Variants in NELL1 observed in about 807,000 individuals in gnomAD.
NELL1 encodes protein kinase C-binding protein NELL1.
NELL1 carries 76 observed loss-of-function variants against 107.4 expected under a neutral mutation model. That is an observed-to-expected ratio of 0.71 (90% CI 0.59 to 0.86). The LOEUF is 0.86. Ranked by LOEUF, NELL1 falls within the 40% of genes least tolerant of loss-of-function variation. The pLI is 0.00. For synonymous variants in NELL1, 353 were observed against 341.2 expected, an observed-to-expected ratio of 1.03 and a Z score of -0.38; for missense variants, 1,024 against 1,005.5, an observed-to-expected ratio of 1.02 and a Z score of -0.25.
intron 14 of NELL1, among the ~76,000 whole-genome samples, chr11:21,367,609 T>C (rs1851257666): frequency 6.6e-6 from 1 of 152,068 alleles, no homozygotes; most frequent in Non-Finnish European, 1.5e-5. Flanking sequence ...TGGTGATAAA[T>C]AACAACAATC....
At chr11:21,243,394 C>T (rs1436620466) in intron 14 of NELL1, among the ~76,000 whole-genome samples, 1 of 152,048 alleles carries the variant, frequency 6.6e-6, no homozygotes, top group Non-Finnish European at 1.5e-5. Flanking sequence ...ACTCAGCCTC[C>T]TAGACTGCTT....
rs540104504 is a variant in NELL1 at position 20,974,810 on chromosome 11, C to T, written c.1300+14250C>T. On this transcript the variant is annotated intron_variant, in intron 12 of 19. Transcript: ENST00000357134. ...TGGGGTATAGACAGTCAAAGGGAAT[C>T]TGCTTAATGTAAACTTAGAAATGCT... Among the ~76,000 whole-genome samples the T allele has an allele frequency of 2.8e-4, 43 of 152,238 alleles. No homozygotes were observed. The South Asian group carries it at 8.9e-3, about 32-fold the overall frequency.
chr11:21,482,113 T>A (rs543885183), intron 15 of NELL1, among the ~76,000 whole-genome samples: 1 of 152,248 alleles, frequency 6.6e-6, no homozygotes, highest in Non-Finnish European at 1.5e-5. Flanking sequence ...ATGACTAGTT[T>A]ATAGAATTGA....
At chr11:20,936,925 G>A (rs565636272) in intron 9 of NELL1, among the ~76,000 whole-genome samples, 27 of 152,290 alleles carry the variant, frequency 1.8e-4, no homozygotes, top group African/African-American at 5.3e-4. Context: ...CTTAGAGTGC[G>A]TATTATTGCT....
intron 14 of NELL1, among the ~76,000 whole-genome samples, chr11:21,329,637 A>G (rs1259197419): frequency 1.3e-5 from 2 of 152,184 alleles, no homozygotes; most frequent in Non-Finnish European, 2.9e-5. Context: ...TTTAAAGTAT[A>G]CATATAAGCC....
At chr11:20,832,233 C>A (rs541273877) in intron 3 of NELL1, among the ~76,000 whole-genome samples, 1 of 152,164 alleles carries the variant, frequency 6.6e-6, no homozygotes, top group Admixed American at 6.5e-5. Context: ...TCTTAGTGAC[C>A]GTACACTTTT....
Position 20,783,814 on chromosome 11 carries a change from C to A in NELL1, c.319C>A (p.Arg107=). 6.2e-7 allele frequency: 1 copy of A among 1,612,210 alleles called. No individual in the cohort carries two copies. The highest frequency in any genetic ancestry group is 8.5e-7 in the Non-Finnish European group (1 of 1,179,206). The change falls in exon 3 of 20, where the codon CGA becomes AGA. Residue 107 remains arginine (R), a synonymous_variant. Transcript: ENST00000357134. ...CACTTCAGGAGTGATACTGTCCATT[C>A]GAGAACTGGAGCACAGGTAAGAAAG... is the stretch of plus-strand genomic sequence containing the variant. ...PSTSGVILSI[R]ELEHSYFELE...
At chr11:21,368,175 G>A (rs1329763681) in intron 14 of NELL1, among the ~76,000 whole-genome samples, 1 of 152,062 alleles carries the variant, frequency 6.6e-6, no homozygotes, top group African/African-American at 2.4e-5. Flanking sequence ...TATTGTCTAA[G>A]GTTCAACTAG....
chr11:21,560,098 T>G, intron 16 of NELL1, 91 bp from the exon 17 acceptor site: 1 of 1,192,712 alleles, frequency 8.4e-7, no homozygotes, highest in Non-Finnish European at 1.3e-6. Context: ...AAATGGTCGA[T>G]GATGTTAGTT....
chr11:20,694,032 C>T (rs147278596), intron 2 of NELL1, among the ~76,000 whole-genome samples: 5,233 of 151,434 alleles, frequency 0.035, 309 homozygotes, highest in African/African-American at 0.12. Flanking sequence ...TCATTTCATT[C>T]GTTTCATCTT....
At chr11:20,894,274 T>A (rs1347954848) in intron 5 of NELL1, among the ~76,000 whole-genome samples, 1 of 152,270 alleles carries the variant, frequency 6.6e-6, no homozygotes, top group African/African-American at 2.4e-5. Flanking sequence ...AAAAGACTGA[T>A]CCATTGGAAT....
chr11:20,991,270 TC>T (rs1231750858), intron 12 of NELL1, among the ~76,000 whole-genome samples: 1 of 152,194 alleles, frequency 6.6e-6, no homozygotes, highest in African/African-American at 2.4e-5. Flanking sequence ...TTGTCTTTGT[TC>T]CAGCAGATCA....
chr11:21,126,269 G>A (rs374971345), intron 13 of NELL1, among the ~76,000 whole-genome samples: 17 of 152,162 alleles, frequency 1.1e-4, no homozygotes, highest in African/African-American at 3.4e-4. Context: ...AGACAAGATC[G>A]GGTGCATTCA....
At chr11:21,416,017 C>T (rs188994599) in intron 15 of NELL1, among the ~76,000 whole-genome samples, 46 of 152,044 alleles carry the variant, frequency 3.0e-4, no homozygotes, top group Admixed American at 1.0e-3. Flanking sequence ...ATGTCTCTTG[C>T]GACAATTGAA....
At chr11:20,972,685 A>G (rs1291688148) in intron 12 of NELL1, among the ~76,000 whole-genome samples, 1 of 152,180 alleles carries the variant, frequency 6.6e-6, no homozygotes. Context: ...AGAGAAAAAG[A>G]ATTGGGAGGC....
chr11:21,258,737 C>T (rs1194072993), intron 14 of NELL1, among the ~76,000 whole-genome samples: 1 of 151,970 alleles, frequency 6.6e-6, no homozygotes, highest in Non-Finnish European at 1.5e-5. Context: ...AATATCCGGG[C>T]ATCTCATAAC....
chr11:20,970,903 AT>A (rs1851487038), intron 12 of NELL1, among the ~76,000 whole-genome samples: 1 of 152,114 alleles, frequency 6.6e-6, no homozygotes, highest in African/African-American at 2.4e-5. Flanking sequence ...ATTTATGCTT[AT>A]TTTCATCTCA....
At chr11:21,317,100 T>A (rs1193276942) in intron 14 of NELL1, among the ~76,000 whole-genome samples, 1 of 152,142 alleles carries the variant, frequency 6.6e-6, no homozygotes, top group African/African-American at 2.4e-5. Flanking sequence ...ATCATAATAA[T>A]TAACACATAT....
intron 15 of NELL1, among the ~76,000 whole-genome samples, chr11:21,516,762 GACAC>G (rs1855576022): frequency 8.6e-6 from 1 of 116,422 alleles, no homozygotes; most frequent in South Asian, 3.0e-4. Flanking sequence ...CACACACACA[GACAC>G]ACACACTCTT....
Sources: allele counts gnomAD v4.1 joint callset (sites outside exome capture counted in the v4.1 genomes callset), GRCh38; gene constraint gnomAD v4.1.1; transcripts MANE v1.5; gene names NCBI Gene and HGNC (gene_info 2026-07-23, HGNC 2026-07-21).